The following DYRK1A variants were observed in gnomAD, a reference collection of about 807,000 sequenced individuals.
The protein encoded by DYRK1A is dual specificity tyrosine phosphorylation regulated kinase 1A.
DYRK1A carries 9 observed loss-of-function variants against 79.7 expected under a neutral mutation model. That is an observed-to-expected ratio of 0.11 (90% CI 0.07 to 0.20). The LOEUF (loss-of-function observed/expected upper bound fraction) is 0.20. DYRK1A is among the 10% of genes least tolerant of loss of function. The pLI is 1.00. For missense variants in DYRK1A, 622 were observed against 956.0 expected, an observed-to-expected ratio of 0.65 and a Z score of 4.61; for synonymous variants, 349 against 329.7, an observed-to-expected ratio of 1.06 and a Z score of -0.63.
intron 9 of DYRK1A, among the ~76,000 whole-genome samples, chr21:37,500,910 C>T (rs558864538): frequency 2.0e-3 from 300 of 150,150 alleles, no homozygotes; most frequent in African/African-American, 7.0e-3. Flanking sequence ...AGACAACCAG[C>T]TTTTGACTTT....
chr21:37,501,889 T>C (rs576200945), intron 9 of DYRK1A: 15 of 152,364 alleles, frequency 9.8e-5, no homozygotes, highest in African/African-American at 3.6e-4. Flanking sequence ...TTTGTAACAT[T>C]GCTTTATGGT....
chr21:37,411,363 AC>A (rs1303215253), intron 1 of DYRK1A, among the ~76,000 whole-genome samples: 4 of 129,380 alleles, frequency 3.1e-5, no homozygotes, highest in Non-Finnish European at 6.6e-5. Flanking sequence ...CTCCCCCCCA[AC>A]CCCCTCCCCC....
At chr21:37,467,852 A>G (rs2052084264) in intron 2 of DYRK1A, among the ~76,000 whole-genome samples, 1 of 152,148 alleles carries the variant, frequency 6.6e-6, no homozygotes, top group South Asian at 2.1e-4. Flanking sequence ...CACTGTACTA[A>G]AGGTCCCAGC....
At chr21:37,389,283 C>T (rs1003153838) in intron 1 of DYRK1A, among the ~76,000 whole-genome samples, 3 of 151,776 alleles carry the variant, frequency 2.0e-5, no homozygotes, top group African/African-American at 7.3e-5. Context: ...CCCACCTCAG[C>T]CTCCTGAGTA....
chr21:37,503,773 A>G (rs562881890), intron 9 of DYRK1A: 1 of 152,176 alleles, frequency 6.6e-6, no homozygotes, highest in Admixed American at 6.5e-5. Context: ...TTCTACATCT[A>G]TTCATATGTT....
At chr21:37,388,147 T>C (rs1267436909) in intron 1 of DYRK1A, among the ~76,000 whole-genome samples, 1 of 145,544 alleles carries the variant, frequency 6.9e-6, no homozygotes, top group Non-Finnish European at 1.5e-5. Context: ...TGGAGTGCAG[T>C]GGTCATGGCA....
In DYRK1A at chr21:37,515,425, T is replaced by G. The variant is rs1265075002; in HGVS notation, c.*2894T>G. 2.6e-5 allele frequency: 4 copies of G among 152,336 alleles called. No individual in the cohort carries two copies. The highest frequency in any genetic ancestry group is 5.9e-5 in the Non-Finnish European group (4 of 68,046). The allele number at this position is 152,336 out of a possible 1,614,324, so 9.4% of individuals were successfully genotyped here. A position where few individuals can be genotyped will look rare whatever the true frequency, so the allele number is the denominator to read the frequency against. ...TTTTTTATTTGAATGTTTACATAAT[T>G]TTGTGATTCAAAATGCTCATATTTT... On this transcript the variant is annotated 3_prime_UTR_variant, in exon 12 of 12. Transcript: ENST00000647188.
intron 1 of DYRK1A, among the ~76,000 whole-genome samples, chr21:37,408,725 C>T (rs2050192929): frequency 1.3e-5 from 2 of 152,216 alleles, no homozygotes; most frequent in South Asian, 2.1e-4. Flanking sequence ...CTTATCTCAT[C>T]TTCAATATTT....
rs1555959291 is a variant in DYRK1A, at chr21:37,417,538, T to TC, written c.-76-2761_-76-2760insC. ...TTTTCTTTTTCTTTTTCTTTTTTTT[T>TC]TTTTTTTTTTTTTTTTACAAATCTT... On this transcript the variant is annotated intron_variant, in intron 1 of 11. Coordinates refer to ENST00000647188, the MANE Select transcript of DYRK1A (RefSeq NM_001347721.2). 2.4e-4 allele frequency among the ~76,000 whole-genome samples: 24 copies of TC among 99,914 alleles called. 1 individual carries two copies. Among genetic ancestry groups the TC allele is most frequent in the South Asian group, 5.9e-4 (2 of 3,380 alleles). 65.5% of individuals were successfully genotyped at this position (99,914 alleles called of 152,430 possible).
At chr21:37,434,412 A>G (rs1272811932) in intron 2 of DYRK1A, among the ~76,000 whole-genome samples, 1 of 152,190 alleles carries the variant, frequency 6.6e-6, no homozygotes, top group African/African-American at 2.4e-5. Context: ...TCTCCTTGAC[A>G]TGTTTCAAAG....
At chr21:37,452,244 C>T (rs2051477616) in intron 2 of DYRK1A, among the ~76,000 whole-genome samples, 1 of 150,584 alleles carries the variant, frequency 6.6e-6, no homozygotes, top group Non-Finnish European at 1.5e-5. Context: ...GTAGGGGATT[C>T]CCCTGGCCCC....
chr21:37,407,319 G>C (rs1442707369), intron 1 of DYRK1A, among the ~76,000 whole-genome samples: 2 of 152,128 alleles, frequency 1.3e-5, no homozygotes, highest in Non-Finnish European at 2.9e-5. Context: ...AGTTTTGGCT[G>C]AGCTGTGGCT....
intron 2 of DYRK1A, chr21:37,464,434 G>A (rs1307925148): frequency 3.3e-6 from 1 of 301,844 alleles, no homozygotes; most frequent in African/African-American, 2.3e-5. Flanking sequence ...TGGTAAAAAT[G>A]ATCCATACAG....
At chr21:37,469,116 A>G (rs2052133897) in intron 2 of DYRK1A, among the ~76,000 whole-genome samples, 1 of 152,226 alleles carries the variant, frequency 6.6e-6, no homozygotes, top group African/African-American at 2.4e-5. Context: ...GGAGTACCAC[A>G]GCACAAATAC....
rs531767224 is a variant in DYRK1A at position 37,518,504 on chromosome 21, G to C, written c.*5973G>C. 6.6e-6 allele frequency: 1 copy of C among 152,312 alleles called. No homozygotes were observed. The allele number at this position is 152,312 out of a possible 1,614,324, so 9.4% of individuals were successfully genotyped here. A position where few individuals can be genotyped will look rare whatever the true frequency, so the allele number is the denominator to read the frequency against. Reference sequence around the variant, plus strand: ...ATTTTAGATTCAGAGTTGGGGTGGGGCCTGGAGCTCTGTTTTCTGAAACTT... The same window carrying C: ...ATTTTAGATTCAGAGTTGGGGTGGGCCCTGGAGCTCTGTTTTCTGAAACTT... On this transcript the variant is annotated 3_prime_UTR_variant, in exon 12 of 12. Coordinates refer to ENST00000647188, the MANE Select transcript of DYRK1A (RefSeq NM_001347721.2).
intron 2 of DYRK1A, among the ~76,000 whole-genome samples, chr21:37,470,531 C>G (rs1569352482): frequency 6.6e-6 from 1 of 152,166 alleles, no homozygotes; most frequent in Non-Finnish European, 1.5e-5. Flanking sequence ...AGTAATACCT[C>G]TGCTTCATAG....
intron 3 of DYRK1A, among the ~76,000 whole-genome samples, chr21:37,476,167 C>G (rs116462836): frequency 0.01 from 1,545 of 152,162 alleles, 23 homozygotes; most frequent in African/African-American, 0.034. Context: ...TCGGACCACC[C>G]GGATGGTGAT....
intron 2 of DYRK1A, among the ~76,000 whole-genome samples, chr21:37,438,229 C>A (rs915944893): frequency 5.3e-5 from 8 of 152,068 alleles, no homozygotes; most frequent in Admixed American, 2.6e-4. Flanking sequence ...TTATCAAATA[C>A]ATGATTTGCT....
rs2053771441 is a variant in DYRK1A at position 37,512,162 on chromosome 21, T to C, written c.1896T>C (p.Ser632=). Residue 632 remains serine (S), a synonymous_variant, in exon 12 of 12, where the codon TCT becomes TCC. Transcript: ENST00000647188. The stretch of plus-strand genomic sequence containing the variant: ...ACAATTCTCCAACGAATAGCTCCTC[T>C]ACCCAAGATTCTATGGAGGTTGGCC... The part of the protein sequence containing the change: ...RVYNSPTNSS[S]TQDSMEVGHS... 6.2e-7 allele frequency: 1 copy of C among 1,614,068 alleles called. No homozygotes were observed. Among genetic ancestry groups the C allele is most frequent in the South Asian group, 1.1e-5 (1 of 91,084 alleles).
Sources: allele counts gnomAD v4.1 joint callset (sites outside exome capture counted in the v4.1 genomes callset), GRCh38; gene constraint gnomAD v4.1.1; transcripts MANE v1.5; gene names NCBI Gene and HGNC (gene_info 2026-07-23, HGNC 2026-07-21).